Variants in DTNBP1 observed in about 807,000 individuals in gnomAD.
DTNBP1 encodes the protein dysbindin.
A neutral mutation model predicts 42.8 loss-of-function variants in DTNBP1; 35 were observed. That is an observed-to-expected ratio of 0.82 (90% CI 0.63 to 1.09). The LOEUF is 1.09. Among genes scored for constraint, DTNBP1 ranks in the 50% least tolerant of loss-of-function variants. The pLI, the probability that DTNBP1 is intolerant of heterozygous loss-of-function variation, is 0.00. For missense variants in DTNBP1, 457 were observed against 424.2 expected, an observed-to-expected ratio of 1.08 and a Z score of -0.68; for synonymous variants, 171 against 162.2, an observed-to-expected ratio of 1.05 and a Z score of -0.41.
chr6:15,545,337 C>A (rs1182100825), intron 7 of DTNBP1, among the ~76,000 whole-genome samples: 2 of 152,192 alleles, frequency 1.3e-5, no homozygotes, highest in African/African-American at 4.8e-5. Flanking sequence ...TTATACCATA[C>A]ATTATTTCTG....
intron 6 of DTNBP1, among the ~76,000 whole-genome samples, chr6:15,608,496 G>A (rs1379310803): frequency 6.6e-6 from 1 of 152,138 alleles, no homozygotes; most frequent in Admixed American, 6.5e-5. Context: ...TGCTCTCTAG[G>A]ATTGCTGAAG....
At chr6:15,636,678 A>G (rs918986945) in intron 4 of DTNBP1, among the ~76,000 whole-genome samples, 1 of 152,212 alleles carries the variant, frequency 6.6e-6, no homozygotes, top group Admixed American at 6.5e-5. Flanking sequence ...CTCAAAGTCC[A>G]AAGAGCTTTA....
chr6:15,553,748 T>C (rs558277435), intron 7 of DTNBP1, among the ~76,000 whole-genome samples: 1 of 152,138 alleles, frequency 6.6e-6, no homozygotes, highest in Admixed American at 6.5e-5. Flanking sequence ...CCTAATTCCT[T>C]TTATTTATGA....
At chr6:15,573,506 G>C (rs1000947808) in intron 7 of DTNBP1, among the ~76,000 whole-genome samples, 2 of 152,066 alleles carry the variant, frequency 1.3e-5, no homozygotes, top group Non-Finnish European at 2.9e-5. Flanking sequence ...TATTTTAAAA[G>C]ACAAAGAAGC....
chr6:15,572,215 C>G (rs142151288), intron 7 of DTNBP1, among the ~76,000 whole-genome samples: 1 of 152,198 alleles, frequency 6.6e-6, no homozygotes, highest in African/African-American at 2.4e-5. Flanking sequence ...CATTTTATAG[C>G]TGAGCAAGTA....
At chr6:15,591,048 T>C (rs982952980) in intron 7 of DTNBP1, among the ~76,000 whole-genome samples, 1 of 152,044 alleles carries the variant, frequency 6.6e-6, no homozygotes, top group Non-Finnish European at 1.5e-5. Context: ...CTTTTACAAC[T>C]TTTTTTCTTC....
chr6:15,615,451 G>T, intron 5 of DTNBP1, 52 bp from the exon 6 acceptor site: 1 of 1,603,944 alleles, frequency 6.2e-7, no homozygotes, highest in African/African-American at 1.3e-5. Context: ...CCTCAATCAT[G>T]ATGAATACAA....
intron 1 of DTNBP1, among the ~76,000 whole-genome samples, chr6:15,661,950 C>A (rs762852656): frequency 1.2e-4 from 18 of 152,132 alleles, no homozygotes; most frequent in Non-Finnish European, 2.1e-4. Flanking sequence ...TGAGTAACTA[C>A]GTTTGATTTA....
chr6:15,540,283 G>A (rs1028823168), intron 7 of DTNBP1, among the ~76,000 whole-genome samples: 1 of 152,176 alleles, frequency 6.6e-6, no homozygotes, highest in Non-Finnish European at 1.5e-5. Flanking sequence ...TGGCTGCCAA[G>A]TGCATTAGAA....
chr6:15,627,701 A>C lies in DTNBP1; in HGVS notation c.223-226T>G, dbSNP rs1416236425. 2.6e-5 allele frequency among the ~76,000 whole-genome samples: 4 copies of C among 152,146 alleles called. No homozygotes were observed. In the East Asian group the frequency reaches 7.7e-4, roughly 29 times the overall value. On this transcript the variant is annotated intron_variant, in intron 4 of 9. Coordinates refer to ENST00000344537, the MANE Select transcript of DTNBP1 (RefSeq NM_032122.5). ...TGCTTGTATCAGTGCATCTTAACCCACAGAAGAGAAAGTTTAAAAATGACT... is the reference window on the plus strand; with the variant it reads ...TGCTTGTATCAGTGCATCTTAACCCCCAGAAGAGAAAGTTTAAAAATGACT...
intron 8 of DTNBP1, among the ~76,000 whole-genome samples, chr6:15,524,942 T>C (rs1157684141): frequency 6.6e-6 from 1 of 152,220 alleles, no homozygotes; most frequent in Non-Finnish European, 1.5e-5. Flanking sequence ...ATTAAGTGAG[T>C]CCCGGCTGTT....
intron 8 of DTNBP1, among the ~76,000 whole-genome samples, chr6:15,529,621 T>C (rs1395253833): frequency 6.6e-6 from 1 of 152,240 alleles, no homozygotes; most frequent in African/African-American, 2.4e-5. Flanking sequence ...TAGGATTCCA[T>C]TTTGCTGAAC....
At chr6:15,658,260 A>G (rs976051847) in intron 1 of DTNBP1, among the ~76,000 whole-genome samples, 1 of 152,212 alleles carries the variant, frequency 6.6e-6, no homozygotes, top group Non-Finnish European at 1.5e-5. Flanking sequence ...CTCTGTAGAT[A>G]TTTATGAAAT....
intron 8 of DTNBP1, among the ~76,000 whole-genome samples, chr6:15,532,669 C>T (rs9296981): frequency 0.16 from 22,382 of 142,556 alleles, 2,555 homozygotes; most frequent in African/African-American, 0.32. Flanking sequence ...TTTGCAGGTT[C>T]TCTAGAAGCA....
intron 7 of DTNBP1, among the ~76,000 whole-genome samples, chr6:15,543,315 T>A (rs531478066): frequency 1.8e-4 from 27 of 152,354 alleles, no homozygotes; most frequent in African/African-American, 6.5e-4. Flanking sequence ...ACATCTTACA[T>A]AATTCTGGTA....
chr6:15,527,931 A>G (rs1250751897), intron 8 of DTNBP1, among the ~76,000 whole-genome samples: 2 of 152,204 alleles, frequency 1.3e-5, no homozygotes, highest in Non-Finnish European at 2.9e-5. Context: ...ATCAGAAAAA[A>G]AGAATAGGTA....
chr6:15,547,907 A>T (rs945237502), intron 7 of DTNBP1, among the ~76,000 whole-genome samples: 1 of 152,224 alleles, frequency 6.6e-6, no homozygotes, highest in Non-Finnish European at 1.5e-5. Flanking sequence ...TAAACAATAT[A>T]AAATTATATT....
chr6:15,620,945 ATAAT>A (rs1342144192), intron 5 of DTNBP1, among the ~76,000 whole-genome samples: 6 of 152,224 alleles, frequency 3.9e-5, no homozygotes, highest in Non-Finnish European at 5.9e-5. Context: ...TTGACAGTAA[ATAAT>A]TAATGTTTGA....
chr6:15,654,587 G>C lies in DTNBP1; in HGVS notation c.57-2447C>G, dbSNP rs1263550573. 2.6e-5 allele frequency among the ~76,000 whole-genome samples: 4 copies of C among 152,012 alleles called. No homozygotes were observed. The East Asian group carries it at 7.7e-4, about 29-fold the overall frequency. On this transcript the variant is annotated intron_variant, in intron 1 of 9. Coordinates refer to ENST00000344537, the MANE Select transcript of DTNBP1 (RefSeq NM_032122.5). ...TTCTTAATTGTAATATGCCAAGTTT[G>C]GAATTCTCTTCTCTGCCCCCCTACC...
Sources: allele counts gnomAD v4.1 joint callset (sites outside exome capture counted in the v4.1 genomes callset), GRCh38; gene constraint gnomAD v4.1.1; transcripts MANE v1.5; gene names NCBI Gene and HGNC (gene_info 2026-07-23, HGNC 2026-07-21).